SLC25A26: variants seen among roughly 807,000 people sequenced by gnomAD.
The protein encoded by SLC25A26 is solute carrier family 25 member 26.
A neutral mutation model predicts 37.8 loss-of-function variants in SLC25A26; 36 were observed. That is an observed-to-expected ratio of 0.95 (90% confidence interval 0.73 to 1.26). The LOEUF is 1.26. Ranked by LOEUF, SLC25A26 falls within the 50% of genes most tolerant of loss-of-function variation. SLC25A26 has a pLI of 0.00. For missense variants in SLC25A26, 390 were observed against 331.1 expected, an observed-to-expected ratio of 1.18 and a Z score of -1.38; for synonymous variants, 129 against 122.5, an observed-to-expected ratio of 1.05 and a Z score of -0.35.
chr3:66,270,644 A>G (rs2073926687), intron 5 of SLC25A26, among the ~76,000 whole-genome samples: 1 of 152,208 alleles, frequency 6.6e-6, no homozygotes, highest in Non-Finnish European at 1.5e-5. Context: ...TTACATTATT[A>G]TAACTTTACC....
intron 5 of SLC25A26, among the ~76,000 whole-genome samples, chr3:66,271,304 A>T (rs897392038): frequency 1.3e-5 from 2 of 152,164 alleles, no homozygotes; most frequent in Non-Finnish European, 2.9e-5. Context: ...TGTAACAAGA[A>T]ATCTGAAGAT....
At chr3:66,259,422 C>T (rs1458007989) in intron 3 of SLC25A26, among the ~76,000 whole-genome samples, 1 of 152,098 alleles carries the variant, frequency 6.6e-6, no homozygotes, top group Non-Finnish European at 1.5e-5. Flanking sequence ...CTTACCTGTC[C>T]CCCAGACTTC....
At chr3:66,290,493 A>C (rs185864953) in intron 5 of SLC25A26, among the ~76,000 whole-genome samples, 1 of 152,214 alleles carries the variant, frequency 6.6e-6, no homozygotes. Context: ...CGTCCCATCA[A>C]TGCCTGGTTT....
intron 1 of SLC25A26, among the ~76,000 whole-genome samples, chr3:66,212,340 T>C (rs1051063922): frequency 6.6e-6 from 1 of 152,034 alleles, no homozygotes; most frequent in Admixed American, 6.5e-5. Context: ...GGCCTCAGAC[T>C]CCTGGCTTGA....
intron 7 of SLC25A26, among the ~76,000 whole-genome samples, chr3:66,367,219 G>A (rs542284396): frequency 6.6e-6 from 1 of 152,230 alleles, no homozygotes; most frequent in African/African-American, 2.4e-5. Flanking sequence ...AACATGTTGC[G>A]TAGGCCCATT....
chr3:66,198,935 C>T (rs2071078788), intron 1 of SLC25A26, among the ~76,000 whole-genome samples: 1 of 151,944 alleles, frequency 6.6e-6, no homozygotes, highest in Non-Finnish European at 1.5e-5. Context: ...TGACCCTGAT[C>T]TTGACCTTGA....
chr3:66,259,142 G>A (rs915333064), intron 3 of SLC25A26, among the ~76,000 whole-genome samples: 2 of 152,140 alleles, frequency 1.3e-5, no homozygotes, highest in Non-Finnish European at 2.9e-5. Context: ...CCCCCCACAC[G>A]TGAGAGTCGG....
chr3:66,303,213 T>G (rs896882375), intron 5 of SLC25A26, among the ~76,000 whole-genome samples: 1 of 152,220 alleles, frequency 6.6e-6, no homozygotes, highest in Non-Finnish European at 1.5e-5. Flanking sequence ...TCTAAAGCAT[T>G]CAGTATTTAT....
At chr3:66,156,013 C>T (rs1406477222) in intron 1 of SLC25A26, among the ~76,000 whole-genome samples, 1 of 152,132 alleles carries the variant, frequency 6.6e-6, no homozygotes, top group African/African-American at 2.4e-5. Context: ...GGGGAAGAGT[C>T]AATTCCAGGT....
chr3:66,325,675 A>G (rs1255340364), intron 5 of SLC25A26, among the ~76,000 whole-genome samples: 2 of 152,194 alleles, frequency 1.3e-5, no homozygotes, highest in Non-Finnish European at 2.9e-5. Context: ...GAGGAATCAT[A>G]TGTAAGAAGG....
Position 66,247,216 on chromosome 3 carries a change from A to G in SLC25A26, c.300+3904A>G, listed in dbSNP as rs116990666. The stretch of plus-strand genomic sequence containing the variant: ...TCAGCAGTGGGTACATAGATTTAGG[A>G]CTTTACACATGAAATACTTCTTGAT... On this transcript the variant is annotated intron_variant, in intron 3 of 9. Coordinates refer to ENST00000354883, the MANE Select transcript of SLC25A26 (RefSeq NM_001379210.1). Among the ~76,000 whole-genome samples the G allele has an allele frequency of 7.2e-5, 11 of 152,086 alleles. No individual in the cohort carries two copies. In the East Asian group the frequency reaches 2.1e-3, roughly 29 times the overall value.
At chr3:66,362,287 C>G (rs565805332) in intron 6 of SLC25A26, among the ~76,000 whole-genome samples, 36 of 152,188 alleles carry the variant, frequency 2.4e-4, no homozygotes, top group Non-Finnish European at 4.7e-4. Context: ...GGAAAAATCC[C>G]AAATGTCCAT....
intron 1 of SLC25A26, among the ~76,000 whole-genome samples, chr3:66,207,766 T>C (rs1368542318): frequency 6.6e-6 from 1 of 152,242 alleles, no homozygotes; most frequent in East Asian, 1.9e-4. Flanking sequence ...TAAATCTTTC[T>C]TGTAACGCTT....
rs2076260335 is a variant in SLC25A26 at position 66,343,779 on chromosome 3, G to T, written c.454-2585G>T. Among the ~76,000 whole-genome samples, 3 of 152,108 alleles carry T rather than the reference G, an allele frequency of 2.0e-5. No homozygotes were observed. In the South Asian group the frequency reaches 6.2e-4, roughly 32 times the overall value. On this transcript the variant is annotated intron_variant, in intron 5 of 9. Coordinates refer to ENST00000354883, the MANE Select transcript of SLC25A26 (RefSeq NM_001379210.1). The stretch of plus-strand genomic sequence containing the variant: ...ATAATCATACTGTCAGTCTTTTGGG[G>T]CATATTTTATTACATATTATAAAGT...
At chr3:66,181,780 C>A in intron 1 of SLC25A26, among the ~76,000 whole-genome samples, 1 of 97,054 alleles carries the variant, frequency 1.0e-5, no homozygotes, top group Non-Finnish European at 1.9e-5. Flanking sequence ...CTCCCCTTGT[C>A]TTTTTTTTTT....
At chr3:66,261,305 C>T (rs143575508) in intron 3 of SLC25A26, among the ~76,000 whole-genome samples, 2 of 152,174 alleles carry the variant, frequency 1.3e-5, no homozygotes, top group African/African-American at 2.4e-5. Context: ...CCAACCTTGC[C>T]TTCTTTGCTT....
At chr3:66,145,674 A>G (rs1040320654) in intron 1 of SLC25A26, among the ~76,000 whole-genome samples, 1 of 152,204 alleles carries the variant, frequency 6.6e-6, no homozygotes, top group Non-Finnish European at 1.5e-5. Context: ...TTCTCATTTA[A>G]AGCTAAATAA....
chr3:66,268,144 C>G (rs1158387077), intron 5 of SLC25A26, among the ~76,000 whole-genome samples: 2 of 152,124 alleles, frequency 1.3e-5, no homozygotes, highest in African/African-American at 4.8e-5. Flanking sequence ...CATAGTAGTC[C>G]ATTGTATAAA....
rs35140096 is a variant in SLC25A26 at position 66,141,050 on chromosome 3, G to GAC, written c.-354+7087_-354+7088dup. 8.9e-3 allele frequency among the ~76,000 whole-genome samples: 1,323 copies of GAC among 148,524 alleles called. 5 individuals carry two copies. Among genetic ancestry groups the GAC allele is most frequent in the African/African-American group, 0.01 (424 of 40,492 alleles). ...TTGTTACACTTCAGTATAGAAACAGGACACACACACACACACACACACGCA... is the reference window on the plus strand; with the variant it reads ...TTGTTACACTTCAGTATAGAAACAGGACACACACACACACACACACACACGCA... On this transcript the variant is annotated intron_variant, in intron 1 of 10. Transcript: ENST00000676754.
Sources: allele counts gnomAD v4.1 joint callset (sites outside exome capture counted in the v4.1 genomes callset), GRCh38; gene constraint gnomAD v4.1.1; transcripts MANE v1.5; gene names NCBI Gene and HGNC (gene_info 2026-07-23, HGNC 2026-07-21).